Variants in PHLPP2 observed in about 807,000 individuals in gnomAD.
PHLPP2 encodes PH domain and leucine rich repeat protein phosphatase 2.
A neutral mutation model predicts 124.9 loss-of-function variants in PHLPP2; 66 were observed. That is an observed-to-expected ratio of 0.53 (90% CI 0.43 to 0.65). The LOEUF is 0.65. Ranked by LOEUF, PHLPP2 falls within the 30% of genes least tolerant of loss-of-function variation. The pLI, the probability that PHLPP2 is intolerant of heterozygous loss-of-function variation, is 0.00. For synonymous variants in PHLPP2, 681 were observed against 624.7 expected (o/e 1.09, Z -1.34); for missense variants, 1,685 against 1,600.4 (o/e 1.05, Z -0.90).
chr16:71,710,964 T>C (rs567046852), intron 2 of PHLPP2, among the ~76,000 whole-genome samples: 2 of 152,326 alleles, frequency 1.3e-5, no homozygotes, highest in South Asian at 2.1e-4. Context: ...CAATTTATAG[T>C]ATATCCATAC....
At chr16:71,685,875 T>G (rs1395393474) in intron 4 of PHLPP2, among the ~76,000 whole-genome samples, 1 of 152,246 alleles carries the variant, frequency 6.6e-6, no homozygotes, top group African/African-American at 2.4e-5. Context: ...ATTATATTGT[T>G]ACATATATAT....
chr16:71,700,612 A>G (rs1031132790), intron 3 of PHLPP2, among the ~76,000 whole-genome samples: 2 of 135,686 alleles, frequency 1.5e-5, no homozygotes, highest in African/African-American at 2.8e-5. Context: ...TGCAAGCTCT[A>G]CCTCCCAGGT....
intron 13 of PHLPP2, among the ~76,000 whole-genome samples, chr16:71,659,202 A>G (rs545786962): frequency 1.3e-5 from 2 of 151,910 alleles, no homozygotes; most frequent in South Asian, 4.2e-4. Flanking sequence ...TAATACCCTC[A>G]GCTGTAAAAA....
At chr16:71,651,159 A>T (rs1211157424) in intron 18 of PHLPP2, among the ~76,000 whole-genome samples, 1 of 152,042 alleles carries the variant, frequency 6.6e-6, no homozygotes, top group Non-Finnish European at 1.5e-5. Flanking sequence ...ACCAACATGG[A>T]AAAACCCCAT....
chr16:71,662,016 G>T (rs1358239016), intron 13 of PHLPP2, among the ~76,000 whole-genome samples: 1 of 151,866 alleles, frequency 6.6e-6, no homozygotes, highest in Non-Finnish European at 1.5e-5. Context: ...TAGAGACGGG[G>T]TTTCACCATG....
At chr16:71,711,551 T>G (rs2045324291) in intron 2 of PHLPP2, among the ~76,000 whole-genome samples, 1 of 152,226 alleles carries the variant, frequency 6.6e-6, no homozygotes, top group Non-Finnish European at 1.5e-5. Flanking sequence ...AGTAGCCGAT[T>G]GCACTTAGAT....
intron 10 of PHLPP2, 110 bp from the exon 11 acceptor site, chr16:71,669,480 C>G: frequency 1.4e-6 from 1 of 734,806 alleles, no homozygotes; most frequent in Non-Finnish European, 2.3e-6. Context: ...AGGGCAGGAA[C>G]ACTGTCTCCA....
At chr16:71,700,494 A>T in intron 3 of PHLPP2, among the ~76,000 whole-genome samples, 2 of 137,500 alleles carry the variant, frequency 1.5e-5, no homozygotes, top group Non-Finnish European at 1.6e-5. Flanking sequence ...TCTCTATAGT[A>T]TGGGCTGTGT....
chr16:71,691,937 CA>C (rs576293602), intron 3 of PHLPP2, among the ~76,000 whole-genome samples: 4 of 147,764 alleles, frequency 2.7e-5, no homozygotes, highest in African/African-American at 1.0e-4. Flanking sequence ...GTCTTAAAAA[CA>C]AAAAAAAACA....
chr16:71,714,974 C>A, intron 1 of PHLPP2, 173 bp from the exon 2 acceptor site: 1 of 745,830 alleles, frequency 1.3e-6, no homozygotes, highest in East Asian at 2.8e-5. Flanking sequence ...ACTCAGATAA[C>A]TTAATTTTCT....
chr16:71,723,710 C>G lies in PHLPP2; in HGVS notation c.-7+619G>C, dbSNP rs572883225. ...CGGCCTCTAGCCTCCCTCGTTCCCT[C>G]CCTAGTCCGCTTGCCCGCTCGCCCG... On this transcript the variant is annotated intron_variant, in intron 1 of 18. Transcript: ENST00000568954. 8.8e-4 allele frequency: 734 copies of G among 830,534 alleles called. 9 individuals carry two copies. In the African/African-American group the frequency reaches 0.012, roughly 14 times the overall value. The allele number at this position is 830,534 out of a possible 1,614,324, so 51.4% of individuals were successfully genotyped here.
At chr16:71,683,876 C>T (rs1043283607) in intron 5 of PHLPP2, among the ~76,000 whole-genome samples, 5 of 151,840 alleles carry the variant, frequency 3.3e-5, no homozygotes, top group African/African-American at 1.2e-4. Context: ...CTGCAATCTC[C>T]GCCTCCTGGG....
rs1490754795 is a variant in PHLPP2, at chr16:71,667,253, A to T, written c.1709T>A (p.Ile570Asn). 6.2e-7 allele frequency: 1 copy of T among 1,613,280 alleles called. No homozygotes were observed. The highest frequency in any genetic ancestry group is 1.7e-4 in the Middle Eastern group (1 of 6,060). Residue 570 changes from isoleucine to asparagine, a missense_variant, in exon 12 of 19, where the codon ATC (isoleucine) becomes AAC (asparagine). Ile to Asn is a moderately radical substitution (Grantham distance 149, BLOSUM62 -3). Coordinates refer to ENST00000568954, the MANE Select transcript of PHLPP2 (RefSeq NM_015020.3). ...VQNLPTLVEH[I>N]PLEVLDLQHN... Reference sequence around the variant, plus strand: ...CTGAAGATCCAGCACCTCGAGGGGGATGTGCTCTACCAGTGTTGGAAGGTT... The same window carrying T: ...CTGAAGATCCAGCACCTCGAGGGGGTTGTGCTCTACCAGTGTTGGAAGGTT...
Position 71,678,891 on chromosome 16 carries a change from T to C in PHLPP2, c.1132A>G (p.Asn378Asp), listed in dbSNP as rs1240198383. ...QQLSSLGISF[N>D]NFSQIPEVYE... ...ACCTCAGGAATTTGACTAAAGTTGT[T>C]GAAGGAAATTCCCAAGGAGGAAAGC... Residue 378 changes from asparagine to aspartate, a missense_variant, in exon 8 of 19, where the codon AAC becomes GAC. By Grantham distance (23) the Asn-to-Asp change is conservative. Transcript: ENST00000568954. 4 of 1,612,410 alleles carry C rather than the reference T, an allele frequency of 2.5e-6. No homozygotes were observed. The East Asian group carries it at 6.7e-5, about 27-fold the overall frequency.
chr16:71,674,895 G>A (rs1189692532), intron 9 of PHLPP2, among the ~76,000 whole-genome samples: 1 of 152,202 alleles, frequency 6.6e-6, no homozygotes, highest in South Asian at 2.1e-4. Context: ...TACTCAGGAG[G>A]CTAAGAGAAG....
rs138351108 is a variant in PHLPP2 at position 71,721,528 on chromosome 16, G to C, written c.-7+2801C>G. On this transcript the variant is annotated intron_variant, in intron 1 of 18. Coordinates refer to ENST00000568954, the MANE Select transcript of PHLPP2 (RefSeq NM_015020.3). ...CTGAGGTACTTGAGCTCAGGAGTTT[G>C]AACCTGCAGTGAGCTATGATCACAC... Among the ~76,000 whole-genome samples the C allele has an allele frequency of 4.3e-3, 656 of 152,264 alleles. 11 individuals carry two copies. Among genetic ancestry groups the C allele is most frequent in the African/African-American group, 0.015 (636 of 41,538 alleles).
At chr16:71,678,386 C>A in intron 8 of PHLPP2, 2 of 199,874 alleles carry the variant, frequency 1.0e-5, no homozygotes, top group Admixed American at 5.4e-5. Context: ...GGCTGTAATC[C>A]CAGCACTTTG....
chr16:71,696,781 A>G (rs1031754980), intron 3 of PHLPP2, among the ~76,000 whole-genome samples: 2 of 152,144 alleles, frequency 1.3e-5, no homozygotes, highest in Non-Finnish European at 2.9e-5. Context: ...TCCTGTATTA[A>G]CTATGGCTGT....
chr16:71,702,797 T>G, intron 2 of PHLPP2, 66 bp from the exon 3 acceptor site: 1 of 1,054,548 alleles, frequency 9.5e-7, no homozygotes, highest in Admixed American at 3.1e-5. Flanking sequence ...TTTAATTTTT[T>G]AGTATTTTTA....
Sources: allele counts gnomAD v4.1 joint callset (sites outside exome capture counted in the v4.1 genomes callset), GRCh38; gene constraint gnomAD v4.1.1; transcripts MANE v1.5; gene names NCBI Gene and HGNC (gene_info 2026-07-23, HGNC 2026-07-21).